Variants in GAS7 observed in about 807,000 individuals in gnomAD.
GAS7 encodes the protein growth arrest specific 7.
Under a neutral mutation model 71.1 loss-of-function variants are expected in GAS7, and 28 were observed. That is an observed-to-expected ratio of 0.39 (90% CI 0.29 to 0.54). GAS7 has a LOEUF of 0.54. GAS7 is among the 20% of genes least tolerant of loss of function. GAS7 has a pLI of 0.62. For missense variants in GAS7, 436 were observed against 627.8 expected (o/e 0.69, Z 3.27); for synonymous variants, 258 against 245.8 (o/e 1.05, Z -0.46).
At chr17:10,153,977 T>C (rs572934936) in intron 1 of GAS7, among the ~76,000 whole-genome samples, 2 of 152,278 alleles carry the variant, frequency 1.3e-5, no homozygotes, top group Admixed American at 6.5e-5. Context: ...ACTTGGAAGG[T>C]TGAGGCAGGA....
rs1461617859 is a variant in GAS7, at chr17:9,951,774, A to G, written c.526-4791T>C. Among the ~76,000 whole-genome samples, 4 of 150,976 alleles carry G rather than the reference A, an allele frequency of 2.6e-5. No homozygotes were observed. The East Asian group carries it at 7.7e-4, about 29-fold the overall frequency. On this transcript the variant is annotated intron_variant, in intron 5 of 13. Transcript: ENST00000432992. ...AAACTCTGTCTCAAAAAAAAAAAAA[A>G]AAAAAAAAAAAACAAGAAGAAAGGA...
At chr17:10,120,393 A>T (rs2073894870) in intron 1 of GAS7, among the ~76,000 whole-genome samples, 1 of 152,190 alleles carries the variant, frequency 6.6e-6, no homozygotes, top group East Asian at 1.9e-4. Context: ...AGTCTCCCAC[A>T]AATGGTTCCA....
At chr17:10,165,775 G>A (rs148396104) in intron 1 of GAS7, among the ~76,000 whole-genome samples, 2 of 152,212 alleles carry the variant, frequency 1.3e-5, no homozygotes, top group Non-Finnish European at 2.9e-5. Context: ...GAGACTTGAG[G>A]CTCCCCTGGA....
intron 1 of GAS7, chr17:10,036,304 C>T: frequency 2.5e-6 from 2 of 814,688 alleles, no homozygotes; most frequent in Non-Finnish European, 4.2e-6. Context: ...CAGACCACCA[C>T]AGCTCAGCAG....
intron 1 of GAS7, among the ~76,000 whole-genome samples, chr17:10,085,511 G>A (rs149761239): frequency 0.027 from 4,149 of 151,918 alleles, 191 homozygotes; most frequent in African/African-American, 0.092. Context: ...GTGAAACCCC[G>A]TCTCTACTAA....
intron 5 of GAS7, among the ~76,000 whole-genome samples, chr17:9,957,371 A>G (rs547688837): frequency 1.3e-5 from 2 of 152,302 alleles, no homozygotes; most frequent in Admixed American, 1.3e-4. Context: ...GCTGCCCATC[A>G]GGGGCCCAAC....
chr17:10,112,963 G>A (rs181220433), intron 1 of GAS7, among the ~76,000 whole-genome samples: 30 of 152,114 alleles, frequency 2.0e-4, no homozygotes, highest in African/African-American at 6.7e-4. Flanking sequence ...TAAAACAACC[G>A]ACTGGCCTGC....
chr17:10,042,803 C>T (rs542379142), intron 1 of GAS7, among the ~76,000 whole-genome samples: 5 of 152,128 alleles, frequency 3.3e-5, no homozygotes, highest in African/African-American at 9.6e-5. Context: ...ACATGATGTA[C>T]GAAGCAGAAT....
At chr17:10,009,890 A>C (rs935798442) in intron 2 of GAS7, among the ~76,000 whole-genome samples, 1 of 152,124 alleles carries the variant, frequency 6.6e-6, no homozygotes. Flanking sequence ...AAAGATGCAT[A>C]GGTTTCCCTT....
chr17:10,047,149 G>A (rs943292769), intron 1 of GAS7, among the ~76,000 whole-genome samples: 3 of 152,156 alleles, frequency 2.0e-5, no homozygotes, highest in Admixed American at 2.0e-4. Context: ...AGGAAGTGCA[G>A]GGTAGAACAA....
At chr17:10,006,365 TG>T (rs2071531666) in intron 2 of GAS7, among the ~76,000 whole-genome samples, 1 of 131,126 alleles carries the variant, frequency 7.6e-6, no homozygotes, top group African/African-American at 3.0e-5. Flanking sequence ...AGTCTCACTC[TG>T]TTGCCCAGGC....
At chr17:10,036,468 T>C (rs2152224596) in intron 1 of GAS7, 1 of 1,613,756 alleles carries the variant, frequency 6.2e-7, no homozygotes, top group Non-Finnish European at 8.5e-7. Context: ...TGGGGGCTGC[T>C]ACCTCAGAGG....
In GAS7 at chr17:9,916,726, T is replaced by A. The variant is rs2067593486; in HGVS notation, c.*502A>T. 2 of 386,620 alleles carry A rather than the reference T, an allele frequency of 5.2e-6. No individual in the cohort carries two copies. The highest frequency in any genetic ancestry group is 3.7e-5 in the East Asian group (1 of 27,206). 23.9% of individuals were successfully genotyped at this position (386,620 alleles called of 1,614,324 possible). ...CTCCCAGAATGCAATGGGAAAAAAATAAAGAAGGAGGGCTGCAAAGGATTC... is the reference window on the plus strand; with the variant it reads ...CTCCCAGAATGCAATGGGAAAAAAAAAAAGAAGGAGGGCTGCAAAGGATTC... On this transcript the variant is annotated 3_prime_UTR_variant, in exon 14 of 14. Coordinates refer to ENST00000432992, the MANE Select transcript of GAS7 (RefSeq NM_201433.2).
chr17:10,006,826 G>T (rs1331064506), intron 2 of GAS7, among the ~76,000 whole-genome samples: 1 of 152,156 alleles, frequency 6.6e-6, no homozygotes, highest in Non-Finnish European at 1.5e-5. Flanking sequence ...CAGCCACGCT[G>T]ATGACACTTA....
At chr17:10,073,761 C>G (rs773744846) in intron 1 of GAS7, among the ~76,000 whole-genome samples, 3 of 152,168 alleles carry the variant, frequency 2.0e-5, no homozygotes, top group Non-Finnish European at 2.9e-5. Context: ...TGAGGAATTT[C>G]GAGACAGTTT....
Position 9,911,626 on chromosome 17 carries a change from C to T in GAS7, c.*5602G>A, listed in dbSNP as rs2067438246. 8.6e-6 allele frequency: 2 copies of T among 232,794 alleles called. No individual in the cohort carries two copies. The highest frequency in any genetic ancestry group is 2.2e-5 in the African/African-American group (1 of 45,306). 14.4% of individuals were successfully genotyped at this position (232,794 alleles called of 1,614,324 possible). A position where few individuals can be genotyped will look rare whatever the true frequency, so the allele number is the denominator to read the frequency against. On this transcript the variant is annotated 3_prime_UTR_variant, in exon 14 of 14. Transcript: ENST00000432992. The surrounding 1 kb of genome is among the most constrained non-coding windows in gnomAD (Gnocchi z 4.0). The stretch of plus-strand genomic sequence containing the variant: ...CCTGCTGCAATGGGAATTGCTTCTT[C>T]ACCTCCAGGAAAGCCTCAACAAAAA...
intron 1 of GAS7, among the ~76,000 whole-genome samples, chr17:10,033,117 C>G (rs1295160962): frequency 6.6e-6 from 1 of 152,108 alleles, no homozygotes; most frequent in African/African-American, 2.4e-5. Flanking sequence ...GACATGCATC[C>G]TAGGTTTTCT....
intron 1 of GAS7, among the ~76,000 whole-genome samples, chr17:10,098,062 G>A (rs976919990): frequency 7.0e-6 from 1 of 143,176 alleles, no homozygotes; most frequent in Non-Finnish European, 1.5e-5. Context: ...AAAAAAAAGT[G>A]TACATTGGGA....
Position 9,959,165 on chromosome 17 carries a change from C to A in GAS7, c.525+37G>T. 6.2e-7 allele frequency: 1 copy of A among 1,607,286 alleles called. No individual in the cohort carries two copies. Among genetic ancestry groups the A allele is most frequent in the African/African-American group, 1.3e-5 (1 of 74,902 alleles). On this transcript the variant is annotated intron_variant, in intron 5 of 13. Transcript: ENST00000432992. This position sits in a 1 kb window ranked among gnomAD's most constrained non-coding sequence, Gnocchi z 5.0. ...CAGCCCAGCCAAATGCCCCAGCTCG[C>A]AGCCCACCCTGAGGGCGCCCCTCGG... is the stretch of plus-strand genomic sequence containing the variant.
Sources: allele counts gnomAD v4.1 joint callset (sites outside exome capture counted in the v4.1 genomes callset), GRCh38; gene constraint gnomAD v4.1.1; non-coding constraint Gnocchi (gnomAD v3.1); transcripts MANE v1.5; gene names NCBI Gene and HGNC (gene_info 2026-07-23, HGNC 2026-07-21).